ADAM32: variants seen among roughly 807,000 people sequenced by gnomAD.
ADAM32 encodes the protein ADAM metallopeptidase domain 32, also known as disintegrin and metalloproteinase domain-containing protein 32.
ADAM32 carries 89 observed loss-of-function variants against 114.9 expected under a neutral mutation model. The observed-to-expected ratio is 0.77, with a 90% CI of 0.65 to 0.92. The LOEUF is 0.92. Among genes scored for constraint, ADAM32 ranks in the 40% least tolerant of loss-of-function variants. The probability of loss-of-function intolerance (pLI) is 0.00; values close to 1 mark genes in which losing one functional copy is unlikely to be tolerated. For missense variants in ADAM32, 870 were observed against 932.8 expected (o/e 0.93, Z 0.88); for synonymous variants, 285 against 307.5 (o/e 0.93, Z 0.77).
intron 10 of ADAM32, among the ~76,000 whole-genome samples, chr8:39,171,450 A>G (rs1225076529): frequency 6.6e-6 from 1 of 152,138 alleles, no homozygotes; most frequent in Non-Finnish European, 1.5e-5. Flanking sequence ...TTCTCTGTTT[A>G]TCTGTTACTG....
chr8:39,110,358 G>T (rs1416477767), intron 1 of ADAM32, among the ~76,000 whole-genome samples: 1 of 152,100 alleles, frequency 6.6e-6, no homozygotes, highest in Admixed American at 6.6e-5. Flanking sequence ...GGCATGAGCC[G>T]CTGCACCCGG....
chr8:39,149,682 A>G (rs1585403786), intron 4 of ADAM32, 109 bp from the exon 5 acceptor site: 1 of 770,386 alleles, frequency 1.3e-6, no homozygotes, highest in East Asian at 2.7e-5. Context: ...GATATAAATC[A>G]CGGAGCCTGT....
chr8:39,110,193 C>T (rs1354832637), intron 1 of ADAM32, among the ~76,000 whole-genome samples: 1 of 152,070 alleles, frequency 6.6e-6, no homozygotes, highest in Non-Finnish European at 1.5e-5. Context: ...CTCAGCCTCC[C>T]AAATAGCTGG....
intron 17 of ADAM32, among the ~76,000 whole-genome samples, chr8:39,247,512 T>C (rs1413437900): frequency 6.6e-6 from 1 of 152,188 alleles, no homozygotes; most frequent in Non-Finnish European, 1.5e-5. Context: ...AGGGGCCTTT[T>C]AAAGTCTTTT....
At chr8:39,256,932 T>C (rs1811681990) in intron 18 of ADAM32, among the ~76,000 whole-genome samples, 1 of 151,956 alleles carries the variant, frequency 6.6e-6, no homozygotes, top group African/African-American at 2.4e-5. Context: ...CTTAGAGGGT[T>C]ATAGTGAGAT....
intron 7 of ADAM32, among the ~76,000 whole-genome samples, chr8:39,163,382 G>A (rs1804630820): frequency 6.6e-6 from 1 of 152,138 alleles, no homozygotes; most frequent in South Asian, 2.1e-4. Flanking sequence ...TTTAAATAGG[G>A]GAGTGACATA....
intron 11 of ADAM32, among the ~76,000 whole-genome samples, chr8:39,208,414 C>A (rs1301752672): frequency 6.6e-6 from 1 of 152,084 alleles, no homozygotes; most frequent in Non-Finnish European, 1.5e-5. Context: ...ATATCTTTGG[C>A]TTTTAATCTT....
intron 19 of ADAM32, among the ~76,000 whole-genome samples, chr8:39,263,026 A>G (rs1370286136): frequency 6.6e-6 from 1 of 152,102 alleles, no homozygotes; most frequent in African/African-American, 2.4e-5. Context: ...TTTACGATTC[A>G]GTCCTGATAT....
At position 39,275,122 on chromosome 8, in the gene ADAM32, C is replaced by G. The variant is rs528698213; in HGVS notation, c.2241-706C>G. Among the ~76,000 whole-genome samples, 65 of 152,308 alleles carry G rather than the reference C, an allele frequency of 4.3e-4. 1 individual carries two copies. Among genetic ancestry groups the G allele is most frequent in the African/African-American group, 1.5e-3 (63 of 41,572 alleles). ...GATGCATCTCTGTGTCTAGTGGCCA[C>G]AGCTTTTACTATCCCCATTTCATGG... On this transcript the variant is annotated intron_variant, in intron 21 of 24. Coordinates refer to ENST00000379907, the MANE Select transcript of ADAM32 (RefSeq NM_145004.7).
chr8:39,194,491 G>T (rs1218514550), intron 11 of ADAM32, among the ~76,000 whole-genome samples: 2 of 152,166 alleles, frequency 1.3e-5, no homozygotes, highest in African/African-American at 4.8e-5. Flanking sequence ...GTAGGTGGTG[G>T]CCATGGGTGA....
At chr8:39,187,940 C>T (rs1806354735) in intron 11 of ADAM32, among the ~76,000 whole-genome samples, 1 of 152,048 alleles carries the variant, frequency 6.6e-6, no homozygotes, top group African/African-American at 2.4e-5. Context: ...TTAATCTTCC[C>T]CAGATGATAT....
chr8:39,244,323 A>C (rs1021064268), intron 16 of ADAM32, among the ~76,000 whole-genome samples: 2 of 152,216 alleles, frequency 1.3e-5, no homozygotes, highest in South Asian at 4.1e-4. Flanking sequence ...AGGCTAAGCA[A>C]AAAAACAAAA....
At chr8:39,128,356 G>A (rs1281144439) in intron 2 of ADAM32, among the ~76,000 whole-genome samples, 1 of 151,908 alleles carries the variant, frequency 6.6e-6, no homozygotes, top group Non-Finnish European at 1.5e-5. Context: ...GCTCTTTTCT[G>A]TTTTCTATTT....
intron 10 of ADAM32, among the ~76,000 whole-genome samples, chr8:39,186,621 T>C (rs959464341): frequency 6.6e-6 from 1 of 152,192 alleles, no homozygotes; most frequent in Non-Finnish European, 1.5e-5. Flanking sequence ...CAGTGTAATG[T>C]AGATTTTCTT....
intron 16 of ADAM32, among the ~76,000 whole-genome samples, chr8:39,239,165 G>A (rs1810392041): frequency 1.3e-5 from 2 of 152,060 alleles, no homozygotes; most frequent in Admixed American, 1.3e-4. Context: ...TAAGAGCTGG[G>A]GGCAAAAGCA....
rs983294902 is a variant in ADAM32, at chr8:39,194,321, T to G, written c.1052+7276T>G. Among the ~76,000 whole-genome samples the G allele has an allele frequency of 4.6e-5, 7 of 152,258 alleles. No individual in the cohort carries two copies. In the East Asian group the frequency reaches 1.4e-3, roughly 29 times the overall value. ...GTGCAAGGGTGGGGCTCATGGGCTC[T>G]GTGCCTTCCAATGCTCCAGTGGCAA... On this transcript the variant is annotated intron_variant, in intron 11 of 24. Coordinates refer to ENST00000379907, the MANE Select transcript of ADAM32 (RefSeq NM_145004.7).
intron 5 of ADAM32, 145 bp downstream of exon 5, chr8:39,150,012 A>C (rs1391116951): frequency 1.9e-6 from 1 of 539,562 alleles, no homozygotes; most frequent in East Asian, 3.2e-5. Flanking sequence ...CATGTTTCCA[A>C]TTCTCTTATT....
intron 10 of ADAM32, 29 bp downstream of exon 10, chr8:39,170,026 A>C: frequency 6.9e-7 from 1 of 1,447,612 alleles, no homozygotes; most frequent in Non-Finnish European, 9.5e-7. Flanking sequence ...TTATTTTTTA[A>C]ATTAACACGT....
chr8:39,125,773 C>A (rs1288640025), intron 2 of ADAM32, among the ~76,000 whole-genome samples: 1 of 152,040 alleles, frequency 6.6e-6, no homozygotes, highest in Non-Finnish European at 1.5e-5. Context: ...CCTAGATTTT[C>A]TTACAGATTT....
Sources: allele counts gnomAD v4.1 joint callset (sites outside exome capture counted in the v4.1 genomes callset), GRCh38; gene constraint gnomAD v4.1.1; transcripts MANE v1.5; gene names NCBI Gene and HGNC (gene_info 2026-07-23, HGNC 2026-07-21).